The following XKR4 variants were observed in gnomAD, a reference collection of about 807,000 sequenced individuals.
XKR4 encodes XK-related protein 4.
A neutral mutation model predicts 53.9 loss-of-function variants in XKR4; 12 were observed. The observed-to-expected ratio is 0.22, with a 90% CI of 0.14 to 0.36. The LOEUF is 0.36. XKR4 is among the 10% of genes least tolerant of loss of function. XKR4 has a pLI of 1.00. For synonymous variants in XKR4, 354 were observed against 362.4 expected (o/e 0.98, Z 0.26); for missense variants, 799 against 859.5 (o/e 0.93, Z 0.88).
At chr8:55,352,841 T>C (rs1356990476) in intron 1 of XKR4, among the ~76,000 whole-genome samples, 4 of 152,040 alleles carry the variant, frequency 2.6e-5, no homozygotes, top group African/African-American at 9.7e-5. Context: ...AAAAGAAATA[T>C]ATTAAAGAGA....
At chr8:55,142,334 T>A in intron 1 of XKR4, 3 of 367,144 alleles carry the variant, frequency 8.2e-6, no homozygotes, top group South Asian at 6.1e-5. Context: ...CTGCCTGCCC[T>A]CTTTCCTACT....
chr8:55,121,676 T>TA (rs1206144643), intron 1 of XKR4, among the ~76,000 whole-genome samples: 1 of 152,130 alleles, frequency 6.6e-6, no homozygotes, highest in Non-Finnish European at 1.5e-5. Flanking sequence ...ATGGGGGAAA[T>TA]AAAAAACTAT....
intron 2 of XKR4, among the ~76,000 whole-genome samples, chr8:55,425,922 G>A (rs1248049606): frequency 6.6e-6 from 1 of 152,174 alleles, no homozygotes; most frequent in Admixed American, 6.5e-5. Context: ...GCCATCAGCG[G>A]CTTTCCTTTT....
intron 1 of XKR4, among the ~76,000 whole-genome samples, chr8:55,352,892 G>A (rs1358545736): frequency 6.6e-6 from 1 of 152,190 alleles, no homozygotes. Flanking sequence ...AAGTAGTAAA[G>A]GCCGAAAATG....
intron 2 of XKR4, among the ~76,000 whole-genome samples, chr8:55,445,567 A>T (rs1419639323): frequency 3.9e-5 from 6 of 152,092 alleles, no homozygotes; most frequent in Non-Finnish European, 7.4e-5. Flanking sequence ...AGAGTTTAAA[A>T]TTTCTGGCCT....
At chr8:55,183,469 T>A (rs2129360074) in intron 1 of XKR4, among the ~76,000 whole-genome samples, 1 of 152,210 alleles carries the variant, frequency 6.6e-6, no homozygotes, top group Admixed American at 6.5e-5. Context: ...TTTTAAAGTT[T>A]ATTTTGACAC....
At chr8:55,244,950 G>A (rs1053789311) in intron 1 of XKR4, among the ~76,000 whole-genome samples, 7 of 148,398 alleles carry the variant, frequency 4.7e-5, no homozygotes, top group Middle Eastern at 7.0e-3. Flanking sequence ...CGCCTGGGCT[G>A]GAGTGTAATA....
At chr8:55,479,454 T>C (rs1189896400) in intron 2 of XKR4, among the ~76,000 whole-genome samples, 2 of 151,478 alleles carry the variant, frequency 1.3e-5, no homozygotes, top group Non-Finnish European at 2.9e-5. Flanking sequence ...GCAGGAAAGA[T>C]CCAAAATTGA....
At chr8:55,263,222 G>A (rs111447689) in intron 1 of XKR4, among the ~76,000 whole-genome samples, 3 of 152,284 alleles carry the variant, frequency 2.0e-5, no homozygotes, top group African/African-American at 7.2e-5. Context: ...ATGGCACATG[G>A]AGTGTCACTA....
intron 2 of XKR4, among the ~76,000 whole-genome samples, chr8:55,476,575 A>C (rs778237275): frequency 4.0e-5 from 6 of 150,352 alleles, no homozygotes; most frequent in Non-Finnish European, 8.9e-5. Flanking sequence ...ACACTGAGCA[A>C]GCTGAAGCAG....
At position 55,350,795 on chromosome 8, in the gene XKR4, AG is replaced by A. The variant is rs1223874405; in HGVS notation, c.807-6882del. On this transcript the variant is annotated intron_variant, in intron 1 of 2. Coordinates refer to ENST00000327381, the MANE Select transcript of XKR4 (RefSeq NM_052898.2). Reference sequence around the variant, plus strand: ...TGCTCTGTCACCCTGGCTGGAGTGCAGTGGCACGATCTCGGTTCACTGCAAC... The same window carrying A: ...TGCTCTGTCACCCTGGCTGGAGTGCATGGCACGATCTCGGTTCACTGCAAC... Among the ~76,000 whole-genome samples, 5 of 138,532 alleles carry A rather than the reference AG, an allele frequency of 3.6e-5. No homozygotes were observed. In the East Asian group the frequency reaches 1.0e-3, roughly 29 times the overall value. The allele number at this position is 138,532 out of a possible 152,430, so 90.9% of individuals were successfully genotyped here.
rs1329691728 is a variant in XKR4 at position 55,538,333 on chromosome 8, G to A, written c.*14106G>A. ...GTGGAGATTAGCTAGATTTGCTAAA[G>A]TGCTTGTAGGTTAGAAAGTGCTGTC... On this transcript the variant is annotated 3_prime_UTR_variant, in exon 3 of 3. Coordinates refer to ENST00000327381, the MANE Select transcript of XKR4 (RefSeq NM_052898.2). 1 of 152,212 alleles carries A rather than the reference G, an allele frequency of 6.6e-6. No homozygotes were observed. The highest frequency in any genetic ancestry group is 2.4e-5 in the African/African-American group (1 of 41,444). 9.4% of individuals were successfully genotyped at this position (152,212 alleles called of 1,614,324 possible).
At chr8:55,157,850 G>A (rs1816929070) in intron 1 of XKR4, among the ~76,000 whole-genome samples, 1 of 151,458 alleles carries the variant, frequency 6.6e-6, no homozygotes, top group South Asian at 2.1e-4. Context: ...CAAAGGACAT[G>A]ATCTCTCTCT....
intron 2 of XKR4, among the ~76,000 whole-genome samples, chr8:55,522,971 T>C (rs1023029507): frequency 1.8e-4 from 27 of 152,042 alleles, no homozygotes; most frequent in Admixed American, 1.6e-3. Flanking sequence ...TGAAACCCCG[T>C]CTCTACTAAA....
chr8:55,230,713 A>G (rs1406998591), intron 1 of XKR4, among the ~76,000 whole-genome samples: 1 of 152,212 alleles, frequency 6.6e-6, no homozygotes, highest in Non-Finnish European at 1.5e-5. Context: ...AAATCTCATA[A>G]TAGAGGAAAA....
At chr8:55,278,502 G>A (rs913721526) in intron 1 of XKR4, among the ~76,000 whole-genome samples, 7 of 151,996 alleles carry the variant, frequency 4.6e-5, no homozygotes, top group South Asian at 2.1e-4. Flanking sequence ...CTTGGGTGTC[G>A]TTGTAATTTT....
At chr8:55,449,777 CG>C in intron 2 of XKR4, 1 of 1,181,770 alleles carries the variant, frequency 8.5e-7, no homozygotes, top group Non-Finnish European at 1.3e-6. Flanking sequence ...CATGAACCAG[CG>C]GGCCTTCCAG....
chr8:55,315,230 A>G (rs1816641929), intron 1 of XKR4, among the ~76,000 whole-genome samples: 1 of 152,170 alleles, frequency 6.6e-6, no homozygotes, highest in Admixed American at 6.5e-5. Context: ...ACACAGCACT[A>G]TTCTGAGCTG....
chr8:55,475,215 G>T (rs1367125164), intron 2 of XKR4, among the ~76,000 whole-genome samples: 1 of 152,054 alleles, frequency 6.6e-6, no homozygotes, highest in Middle Eastern at 3.2e-3. Context: ...AATGTGAAAT[G>T]GCACCCAGAT....
Sources: gnomAD v4.1 joint callset for allele counts (sites outside exome capture counted in the v4.1 genomes callset) on GRCh38, gnomAD v4.1.1 for gene constraint, MANE v1.5 for transcripts, NCBI Gene and HGNC (gene_info 2026-07-23, HGNC 2026-07-21) for gene names.